Variants in INPP5J observed in about 807,000 individuals in gnomAD.
INPP5J encodes inositol polyphosphate-5-phosphatase J.
A neutral mutation model predicts 86.6 loss-of-function variants in INPP5J; 75 were observed. The ratio of observed to expected loss-of-function variants is 0.87; its 90% CI spans 0.72 to 1.05. The LOEUF is 1.05. Among genes scored for constraint, INPP5J ranks in the 50% least tolerant of loss-of-function variants. The probability of loss-of-function intolerance (pLI) is 0.00; values close to 1 mark genes in which losing one functional copy is unlikely to be tolerated. For synonymous variants in INPP5J, 540 were observed against 550.0 expected, an observed-to-expected ratio of 0.98 and a Z score of 0.25; for missense variants, 1,229 against 1,341.2, an observed-to-expected ratio of 0.92 and a Z score of 1.31.
Position 31,125,000 on chromosome 22 carries a change from T to G in INPP5J, c.261T>G (p.Ala87=). ...LALASPRPIL[A]PLCTPEGQKT... ...TGGCATCTCCCCGACCAATCCTGGC[T>G]CCACTGTGTACCCCTGAAGGGCAGA... The change falls in exon 2 of 13, where the codon GCT becomes GCG. Residue 87 remains alanine (A), a synonymous_variant. Coordinates refer to ENST00000331075, the MANE Select transcript of INPP5J (RefSeq NM_001284285.2). 1 of 1,576,028 alleles carries G rather than the reference T, an allele frequency of 6.3e-7. No individual in the cohort carries two copies. Among genetic ancestry groups the G allele is most frequent in the Non-Finnish European group, 8.6e-7 (1 of 1,160,920 alleles).
At chr22:31,126,779 C>T (rs1488396513) in intron 4 of INPP5J, 58 bp downstream of exon 4, 5 of 1,521,104 alleles carry the variant, frequency 3.3e-6, no homozygotes, top group Non-Finnish European at 4.6e-6. Context: ...CTGGCTCCAG[C>T]TGTACCCTGG....
Position 31,124,840 on chromosome 22 carries a change from A to G in INPP5J, c.106-5A>G. On this transcript the variant is annotated splice_polypyrimidine_tract_variant and splice_region_variant and intron_variant, in intron 1 of 12. Coordinates refer to ENST00000331075, the MANE Select transcript of INPP5J (RefSeq NM_001284285.2). ...ACTCTGAATCTTTGACTTGTCCTCC[A>G]CAAGGTGGACTCAAGTTTTCAGCTC... 1 of 1,607,340 alleles carries G rather than the reference A, an allele frequency of 6.2e-7. No individual in the cohort carries two copies.
intron 4 of INPP5J, 33 bp downstream of exon 4, chr22:31,126,754 G>C: frequency 6.4e-7 from 1 of 1,567,256 alleles, no homozygotes; most frequent in Non-Finnish European, 8.8e-7. Flanking sequence ...GACAGCCAGA[G>C]ACCCTGCTGA....
Position 31,127,016 on chromosome 22 carries a change from C to G in INPP5J, c.1590C>G (p.Arg530=), listed in dbSNP as rs765187318. Residue 530 remains arginine, a synonymous_variant, in exon 5 of 13, where the codon CGC becomes CGG. Transcript: ENST00000331075. ...GAGACGTGCAGACCGACTGCACGCG[C>G]ACTGGCCTGGGCGGCTACTGGGTGA... ...FLRDVQTDCT[R]TGLGGYWGNK... 12 of 1,604,190 alleles carry G rather than the reference C, an allele frequency of 7.5e-6. No homozygotes were observed. The highest frequency in any genetic ancestry group is 9.4e-6 in the Non-Finnish European group (11 of 1,175,392).
At chr22:31,132,608 C>A (rs1036973722) in intron 9 of INPP5J, among the ~76,000 whole-genome samples, 4 of 152,000 alleles carry the variant, frequency 2.6e-5, no homozygotes, top group Non-Finnish European at 4.4e-5. Context: ...GGCGTGATGG[C>A]GGTACCTGTG....
intron 5 of INPP5J, 69 bp from the exon 6 acceptor site, chr22:31,127,288 C>T (rs1476394224): frequency 2.8e-6 from 4 of 1,429,996 alleles, no homozygotes; most frequent in East Asian, 2.4e-5. Flanking sequence ...TCCTCTCTAA[C>T]CCCCGCTCCC....
intron 1 of INPP5J, 83 bp from the exon 2 acceptor site, chr22:31,124,762 G>T: frequency 8.4e-7 from 1 of 1,194,492 alleles, no homozygotes; most frequent in Non-Finnish European, 1.2e-6. Flanking sequence ...TTAGCTAGAT[G>T]AACTCTGCCA....
At chr22:31,123,224 G>C (rs1469788819) in intron 1 of INPP5J, 105 bp downstream of exon 1, 2 of 701,578 alleles carry the variant, frequency 2.9e-6, no homozygotes, top group Non-Finnish European at 4.4e-6. Flanking sequence ...TGAGGGGCTG[G>C]TACTTTCCTC....
intron 9 of INPP5J, among the ~76,000 whole-genome samples, chr22:31,130,080 G>C (rs944852605): frequency 6.6e-6 from 1 of 151,940 alleles, no homozygotes; most frequent in African/African-American, 2.4e-5. Flanking sequence ...AGTGGCTCAC[G>C]CCTGTAATCC....
At chr22:31,124,385 T>C (rs1286568486) in intron 1 of INPP5J, 11 of 832,112 alleles carry the variant, frequency 1.3e-5, no homozygotes, top group Non-Finnish European at 1.6e-5. Context: ...CCTGTAGGTC[T>C]GTATCTTGAC....
Position 31,125,765 on chromosome 22 carries a change from C to G in INPP5J, c.1026C>G (p.Pro342=). 6.4e-7 allele frequency: 1 copy of G among 1,553,086 alleles called. No individual in the cohort carries two copies. The highest frequency in any genetic ancestry group is 8.7e-7 in the Non-Finnish European group (1 of 1,147,834). ...PSGQTVPPPL[P]KPPRSPSRSP... Reference sequence around the variant, plus strand: ...GCCAGACTGTGCCCCCACCTCTGCCCAAGCCACCCCGATCACCCAGCCGTT... The same window carrying G: ...GCCAGACTGTGCCCCCACCTCTGCCGAAGCCACCCCGATCACCCAGCCGTT... The change falls in exon 2 of 13, where the codon CCC becomes CCG. Residue 342 remains proline (P), a synonymous_variant. Transcript: ENST00000331075.
intron 2 of INPP5J, 166 bp downstream of exon 2, chr22:31,126,176 C>A: frequency 1.2e-6 from 1 of 818,190 alleles, no homozygotes; most frequent in East Asian, 2.7e-5. Flanking sequence ...AGCATCCCCT[C>A]CTAAGGAACT....
At chr22:31,132,712 C>G (rs1922160072) in intron 9 of INPP5J, among the ~76,000 whole-genome samples, 1 of 150,732 alleles carries the variant, frequency 6.6e-6, no homozygotes. Flanking sequence ...GCACTCCAGC[C>G]TGGGTGACAG....
chr22:31,133,160 C>T lies in INPP5J; in HGVS notation c.2256C>T (p.Pro752=), dbSNP rs375279687. Residue 752 remains proline (P), a synonymous_variant, in exon 10 of 13, where the codon CCC becomes CCT. Transcript: ENST00000331075. ...RLEVADEWVR[P]EQAVVRYRME... ...AGGTGGCAGATGAGTGGGTGCGGCC[C>T]GAGCAGGCGGTGGTGAGGTACCGCA... is the stretch of plus-strand genomic sequence containing the variant. 65 of 1,582,050 alleles carry T rather than the reference C, an allele frequency of 4.1e-5. No individual in the cohort carries two copies. The highest frequency in any genetic ancestry group is 4.9e-5 in the Non-Finnish European group (57 of 1,165,056).
intron 4 of INPP5J, 36 bp from the exon 5 acceptor site, chr22:31,126,885 T>C (rs1383578272): frequency 1.3e-6 from 2 of 1,511,848 alleles, no homozygotes; most frequent in East Asian, 4.6e-5. Flanking sequence ...GGGGGAGTTG[T>C]GTTCTGTCCC....
At position 31,131,767 on chromosome 22, in the gene INPP5J, G is replaced by T. The variant is rs1050815298; in HGVS notation, c.2194-1331G>T. ...GCAGTCAGAATAGGGCTCAGTAGGG[G>T]TTTTGATGCTGCAAGGCCTTGGAGG... On this transcript the variant is annotated intron_variant, in intron 9 of 12. Transcript: ENST00000331075. 8.5e-5 allele frequency among the ~76,000 whole-genome samples: 13 copies of T among 152,250 alleles called. 1 individual carries two copies. Among genetic ancestry groups the T allele is most frequent in the Middle Eastern group, 3.4e-3 (1 of 294 alleles).
chr22:31,128,768 A>G (rs562312577), intron 9 of INPP5J, 114 bp downstream of exon 9: 1 of 925,316 alleles, frequency 1.1e-6, no homozygotes, highest in Admixed American at 2.6e-5. Flanking sequence ...AGCAGCATCC[A>G]TTTGTTGTAA....
chr22:31,131,082 C>G (rs1416004004), intron 9 of INPP5J, among the ~76,000 whole-genome samples: 1 of 152,198 alleles, frequency 6.6e-6, no homozygotes, highest in East Asian at 1.9e-4. Flanking sequence ...GTCACATGGC[C>G]AGTCAGTGGG....
chr22:31,125,987 C>A lies in INPP5J; in HGVS notation c.1248C>A (p.Thr416=). The change falls in exon 2 of 13, where the codon ACC becomes ACA. Residue 416 remains threonine, a synonymous_variant. Coordinates refer to ENST00000331075, the MANE Select transcript of INPP5J (RefSeq NM_001284285.2). ...CCTCCCCTTGGTCAGCTCAGCCTAC[C>A]TGGAAGAGCGACCCCGGCTTCCGGT... ...LSSSPWSAQP[T]WKSDPGFRIT... is the part of the protein sequence containing the mutation. 1 of 1,582,670 alleles carries A rather than the reference C, an allele frequency of 6.3e-7. No individual in the cohort carries two copies. The highest frequency in any genetic ancestry group is 8.6e-7 in the Non-Finnish European group (1 of 1,160,342).
Sources: gnomAD v4.1 joint callset for allele counts (sites outside exome capture counted in the v4.1 genomes callset) on GRCh38, gnomAD v4.1.1 for gene constraint, MANE v1.5 for transcripts, NCBI Gene and HGNC (gene_info 2026-07-23, HGNC 2026-07-21) for gene names.